FAM117B: variants seen among roughly 807,000 people sequenced by gnomAD.
FAM117B encodes protein FAM117B.
FAM117B carries 22 observed loss-of-function variants against 52.8 expected under a neutral mutation model. The observed-to-expected ratio is 0.42, with a 90% CI of 0.30 to 0.59. The LOEUF (loss-of-function observed/expected upper bound fraction) is 0.59, where lower values mean the gene tolerates loss of function less well. Ranked by LOEUF, FAM117B falls within the 20% of genes least tolerant of loss-of-function variation. The pLI is 0.22. For missense variants in FAM117B, 678 were observed against 802.6 expected (o/e 0.84, Z 1.88); for synonymous variants, 309 against 324.1 (o/e 0.95, Z 0.50).
At chr2:202,708,371 C>T (rs1404242963) in intron 2 of FAM117B, among the ~76,000 whole-genome samples, 7 of 152,144 alleles carry the variant, frequency 4.6e-5, no homozygotes, top group Non-Finnish European at 1.0e-4. Flanking sequence ...CCTCACAGTT[C>T]ATCCATATTA....
At chr2:202,635,884 G>T in intron 1 of FAM117B, 96 bp downstream of exon 1, 1 of 1,224,972 alleles carries the variant, frequency 8.2e-7, no homozygotes, top group Non-Finnish European at 1.0e-6. Flanking sequence ...AGCTGCCGCG[G>T]AGCCCGGGTG....
intron 2 of FAM117B, among the ~76,000 whole-genome samples, chr2:202,713,622 C>T (rs1690990311): frequency 6.6e-6 from 1 of 151,922 alleles, no homozygotes; most frequent in Non-Finnish European, 1.5e-5. Flanking sequence ...TCAAGTTTTT[C>T]TTGTTTTTTG....
At chr2:202,675,787 C>G (rs773517685) in intron 1 of FAM117B, among the ~76,000 whole-genome samples, 5 of 151,900 alleles carry the variant, frequency 3.3e-5, no homozygotes, top group Non-Finnish European at 5.9e-5. Context: ...GAGTTTGAGA[C>G]CAGCCTGGCC....
chr2:202,753,173 A>T (rs1040689188), intron 4 of FAM117B, among the ~76,000 whole-genome samples: 41 of 152,224 alleles, frequency 2.7e-4, no homozygotes, highest in Non-Finnish European at 4.1e-4. Context: ...AAGCAGACAT[A>T]TAGACCAACG....
intron 2 of FAM117B, among the ~76,000 whole-genome samples, chr2:202,697,467 T>G (rs904148666): frequency 6.6e-6 from 1 of 152,202 alleles, no homozygotes; most frequent in Non-Finnish European, 1.5e-5. Flanking sequence ...TTGTTGAAAG[T>G]CAGGTAGGGT....
intron 4 of FAM117B, among the ~76,000 whole-genome samples, chr2:202,729,450 T>G (rs1691306463): frequency 6.6e-6 from 1 of 152,244 alleles, no homozygotes; most frequent in Non-Finnish European, 1.5e-5. Flanking sequence ...ACGATACATG[T>G]GTACTTCTGA....
rs1574307169 is a variant in FAM117B, at chr2:202,759,452, C to A, written c.1451+99C>A. On this transcript the variant is annotated intron_variant, in intron 7 of 7. Coordinates refer to ENST00000392238, the MANE Select transcript of FAM117B (RefSeq NM_173511.4). ...TCATCTAGGCTGGACTGCACTGATG[C>A]AGTCACAGGTCACACTGCAACCTCT... The A allele has an allele frequency of 7.5e-6, 11 of 1,457,358 alleles. No individual in the cohort carries two copies. In the South Asian group the frequency reaches 1.6e-4, roughly 21 times the overall value. 90.3% of individuals were successfully genotyped at this position (1,457,358 alleles called of 1,614,324 possible).
At chr2:202,675,984 C>CA (rs778502048) in intron 1 of FAM117B, among the ~76,000 whole-genome samples, 1,110 of 55,702 alleles carry the variant, frequency 0.02, 11 homozygotes, top group East Asian at 0.032. Context: ...GACACAGTCT[C>CA]AAAAAAAAAA....
chr2:202,649,849 G>A (rs1483693993), intron 1 of FAM117B, among the ~76,000 whole-genome samples: 1 of 151,646 alleles, frequency 6.6e-6, no homozygotes, highest in Non-Finnish European at 1.5e-5. Flanking sequence ...CACCGTGCTC[G>A]GCTTATTTAT....
intron 4 of FAM117B, among the ~76,000 whole-genome samples, chr2:202,730,726 A>G (rs1289708724): frequency 6.6e-6 from 1 of 152,186 alleles, no homozygotes; most frequent in African/African-American, 2.4e-5. Context: ...TTATCTATCT[A>G]CCTCAGCACC....
chr2:202,670,139 T>G (rs1690268253), intron 1 of FAM117B, among the ~76,000 whole-genome samples: 2 of 152,238 alleles, frequency 1.3e-5, no homozygotes, highest in African/African-American at 4.8e-5. Flanking sequence ...ACCTGCTATG[T>G]GCTAGCTACT....
At position 202,635,445 on chromosome 2, in the gene FAM117B, C is replaced by T; in HGVS notation, c.258C>T (p.Arg86=). Residue 86 remains arginine, a synonymous_variant, in exon 1 of 8, where the codon CGC becomes CGT. Transcript: ENST00000392238. The part of the protein sequence containing the change: ...PAGGGGGGGP[R]TASRSTSPTR... The stretch of plus-strand genomic sequence containing the variant: ...GCGGCGGCGGCGGCGGTGGCCCGCG[C>T]ACCGCCTCGCGCAGCACCAGCCCCA... 1 of 1,192,700 alleles carries T rather than the reference C, an allele frequency of 8.4e-7. No homozygotes were observed. The highest frequency in any genetic ancestry group is 1.0e-6 in the Non-Finnish European group (1 of 965,620). 73.9% of individuals were successfully genotyped at this position (1,192,700 alleles called of 1,614,324 possible). A position where few individuals can be genotyped will look rare whatever the true frequency, so the allele number is the denominator to read the frequency against.
chr2:202,689,109 A>G (rs1332182008), intron 1 of FAM117B, among the ~76,000 whole-genome samples: 2 of 152,216 alleles, frequency 1.3e-5, no homozygotes, highest in Non-Finnish European at 2.9e-5. Context: ...ATGTATGTCC[A>G]AGGGTAGACA....
intron 2 of FAM117B, among the ~76,000 whole-genome samples, chr2:202,712,717 T>C (rs992616861): frequency 2.0e-5 from 3 of 152,138 alleles, no homozygotes; most frequent in African/African-American, 7.2e-5. Flanking sequence ...TGTGGAGATA[T>C]GTTCCTTCTG....
chr2:202,659,245 A>G (rs1477385586), intron 1 of FAM117B, among the ~76,000 whole-genome samples: 1 of 151,916 alleles, frequency 6.6e-6, no homozygotes, highest in African/African-American at 2.4e-5. Context: ...ATCTCAGGTG[A>G]TCCACCTGTC....
At chr2:202,761,619 C>T (rs904867703) in intron 7 of FAM117B, among the ~76,000 whole-genome samples, 7 of 152,124 alleles carry the variant, frequency 4.6e-5, no homozygotes, top group African/African-American at 1.4e-4. Context: ...CTCTGCCACC[C>T]AGGTTCAAGC....
intron 4 of FAM117B, among the ~76,000 whole-genome samples, chr2:202,742,568 A>G (rs1385073058): frequency 6.6e-6 from 1 of 152,222 alleles, no homozygotes; most frequent in Non-Finnish European, 1.5e-5. Context: ...CAACAAAACC[A>G]TGTAAGTATT....
intron 1 of FAM117B, among the ~76,000 whole-genome samples, chr2:202,681,852 C>G (rs560002325): frequency 6.6e-6 from 1 of 152,198 alleles, no homozygotes; most frequent in African/African-American, 2.4e-5. Flanking sequence ...ACTATATGGC[C>G]CAGTGTGAGA....
chr2:202,716,363 T>C (rs751605789), intron 2 of FAM117B, among the ~76,000 whole-genome samples: 10 of 152,338 alleles, frequency 6.6e-5, no homozygotes, highest in Non-Finnish European at 1.2e-4. Flanking sequence ...TTGGAGAGTT[T>C]AGTCCATTTT....
Sources: gnomAD v4.1 joint callset for allele counts (sites outside exome capture counted in the v4.1 genomes callset) on GRCh38, gnomAD v4.1.1 for gene constraint, MANE v1.5 for transcripts, NCBI Gene and HGNC (gene_info 2026-07-23, HGNC 2026-07-21) for gene names.